The following ERI2 variants were observed in gnomAD, a reference collection of about 807,000 sequenced individuals.
ERI2 encodes the protein ERI1 exoribonuclease family member 2, also known as ERI1 exoribonuclease 2.
Under a neutral mutation model 46.8 loss-of-function variants are expected in ERI2, and 35 were observed. That is an observed-to-expected ratio of 0.75 (90% CI 0.57 to 0.99). The LOEUF (loss-of-function observed/expected upper bound fraction) is 0.99, where lower values mean the gene tolerates loss of function less well. Among genes scored for constraint, ERI2 ranks in the 50% least tolerant of loss-of-function variants. ERI2 has a pLI of 0.00. For missense variants in ERI2, 695 were observed against 796.2 expected (o/e 0.87, Z 1.53); for synonymous variants, 224 against 271.0 (o/e 0.83, Z 1.70).
downstream of ERI2, chr16:20,792,255 GA>G: frequency 2.5e-6 from 4 of 1,614,114 alleles, no homozygotes; most frequent in Non-Finnish European, 3.4e-6. Flanking sequence ...TGGACCATTT[GA>G]GGTAGAAAAT....
chr16:20,789,165 A>G (rs533150736), intron 10 of ERI2, among the ~76,000 whole-genome samples: 1 of 152,300 alleles, frequency 6.6e-6, no homozygotes, highest in South Asian at 2.1e-4. Context: ...TAAACTCTCT[A>G]GAGGCATTGC....
At chr16:20,787,074 C>G (rs1235833195) in intron 10 of ERI2, among the ~76,000 whole-genome samples, 1 of 152,206 alleles carries the variant, frequency 6.6e-6, no homozygotes, top group East Asian at 1.9e-4. Context: ...CATCAGCAAG[C>G]TTTATATAGG....
chr16:20,802,337 AAAAT>A (rs758673089), intron 4 of ERI2, among the ~76,000 whole-genome samples: 3 of 152,032 alleles, frequency 2.0e-5, no homozygotes, highest in East Asian at 1.9e-4. Flanking sequence ...CTTTGTCTGA[AAAAT>A]AAATAAATAA....
At chr16:20,800,106 T>A (rs1408071088) in intron 6 of ERI2, 68 bp from the exon 7 acceptor site, 2 of 1,067,350 alleles carry the variant, frequency 1.9e-6, no homozygotes, top group Non-Finnish European at 2.8e-6. Context: ...TAAACACTTT[T>A]CATAATTTTT....
At position 20,798,099 on chromosome 16, in the gene ERI2, ACTT is replaced by A. The variant is rs1384164133; in HGVS notation, c.1698_1700del (p.Arg566del). ...TAGATGGGAGACGCCTCCAGGAAGA[ACTT>A]CTTACTGGGGAGCAATCAGATGATG... is the stretch of plus-strand genomic sequence containing the variant. On this transcript the variant is annotated inframe_deletion, in exon 9 of 9. Coordinates refer to ENST00000357967, the MANE Select transcript of ERI2 (RefSeq NM_001142725.2). The A allele has an allele frequency of 2.3e-5, 36 of 1,551,430 alleles. No individual in the cohort carries two copies. The highest frequency in any genetic ancestry group is 3.1e-5 in the Non-Finnish European group (36 of 1,146,932).
chr16:20,800,245 A>G, intron 6 of ERI2, 57 bp downstream of exon 6: 1 of 1,240,086 alleles, frequency 8.1e-7, no homozygotes, highest in East Asian at 2.3e-5. Flanking sequence ...GTGTAGGATA[A>G]AAGTTAATCA....
chr16:20,793,210 T>A (rs924929700), downstream of ERI2, among the ~76,000 whole-genome samples: 2 of 152,176 alleles, frequency 1.3e-5, no homozygotes, highest in African/African-American at 4.8e-5. Context: ...GGCTCACACC[T>A]GTAATCCTAG....
At chr16:20,792,133 ACTTT>A, downstream of ERI2, 2 of 1,614,110 alleles carry the variant, frequency 1.2e-6, no homozygotes, top group Non-Finnish European at 1.7e-6. Flanking sequence ...CCTCTGGGTA[ACTTT>A]CTTTTCCATA....
chr16:20,794,429 GC>G (rs572475478), downstream of ERI2, among the ~76,000 whole-genome samples: 41 of 152,278 alleles, frequency 2.7e-4, no homozygotes, highest in Non-Finnish European at 5.0e-4. Flanking sequence ...CGATAGCCAT[GC>G]ATGGCTATCA....
At chr16:20,781,144 C>T in intron 10 of ERI2, 2 of 1,613,110 alleles carry the variant, frequency 1.2e-6, no homozygotes, top group African/African-American at 2.7e-5. Context: ...AGCCAAAGCA[C>T]AAAGAGGTCA....
intron 1 of ERI2, among the ~76,000 whole-genome samples, chr16:20,804,873 G>T (rs1002764741): frequency 1.3e-5 from 2 of 152,196 alleles, no homozygotes; most frequent in South Asian, 2.1e-4. Context: ...TACATAGCAG[G>T]TACTAAAATT....
At chr16:20,789,448 G>C in intron 10 of ERI2, 2 of 1,486,640 alleles carry the variant, frequency 1.3e-6, no homozygotes, top group Non-Finnish European at 1.9e-6. Context: ...ATTGGAGAGA[G>C]GGTAAGAGAG....
At chr16:20,780,790 A>C (rs768389216) in intron 10 of ERI2, 3 of 1,614,260 alleles carry the variant, frequency 1.9e-6, no homozygotes, top group Non-Finnish European at 2.5e-6. Flanking sequence ...CAGTGGAACA[A>C]GTGGATATCC....
chr16:20,790,879 G>A lies in ERI2; in HGVS notation c.786C>T (p.Asp262=). 1 of 1,613,984 alleles carries A rather than the reference G, an allele frequency of 6.2e-7. No individual in the cohort carries two copies. Among genetic ancestry groups the A allele is most frequent in the Non-Finnish European group, 8.5e-7 (1 of 1,179,966 alleles). The stretch of plus-strand genomic sequence containing the variant: ...ATTCTTGCTGAAGAAAAGCATGCTG[G>A]TCCCCTGAGGCCAGATCACTGTTCC... The change falls in exon 9 of 11, where the codon GAC becomes GAT. Residue 262 remains aspartate (D), a synonymous_variant. Transcript: ENST00000300005. The surrounding 1 kb of genome is among the most constrained non-coding windows in gnomAD (Gnocchi z 4.0).
intron 10 of ERI2, among the ~76,000 whole-genome samples, chr16:20,788,303 C>T (rs1391491777): frequency 6.6e-6 from 1 of 152,074 alleles, no homozygotes; most frequent in African/African-American, 2.4e-5. Context: ...CTTTTTCTTC[C>T]TTCCTTAATA....
chr16:20,790,688 A>G lies in ERI2; in HGVS notation c.815+162T>C. 1 of 1,614,062 alleles carries G rather than the reference A, an allele frequency of 6.2e-7. No homozygotes were observed. Among genetic ancestry groups the G allele is most frequent in the Non-Finnish European group, 8.5e-7 (1 of 1,179,974 alleles). ...CATTTGGCCTTTTTACTCATTACGT[A>G]GTAAGTGACTTACTAAATAATCTCA... On this transcript the variant is annotated intron_variant, in intron 9 of 10. Coordinates refer to the ERI2 transcript ENST00000300005. This position sits in a 1 kb window ranked among gnomAD's most constrained non-coding sequence, Gnocchi z 4.0.
chr16:20,804,266 C>A (rs766486000), intron 1 of ERI2, among the ~76,000 whole-genome samples: 11 of 152,048 alleles, frequency 7.2e-5, no homozygotes, highest in Non-Finnish European at 1.5e-4. Context: ...TCTTATTTTT[C>A]CCCCTGCATT....
chr16:20,792,839 G>C (rs567147221), downstream of ERI2: 83 of 482,366 alleles, frequency 1.7e-4, no homozygotes, highest in Middle Eastern at 2.1e-3. Flanking sequence ...AATAACACAG[G>C]TGTCCTGAAA....
rs1420474938 is a variant in ERI2, at chr16:20,798,963, A to G, written c.837T>C (p.Tyr279=). 2 of 1,550,150 alleles carry G rather than the reference A, an allele frequency of 1.3e-6. No individual in the cohort carries two copies. Among genetic ancestry groups the G allele is most frequent in the East Asian group, 2.4e-5 (1 of 40,904 alleles). Residue 279 remains tyrosine, a synonymous_variant, in exon 9 of 9, where the codon TAT becomes TAC. Coordinates refer to ENST00000357967, the MANE Select transcript of ERI2 (RefSeq NM_001142725.2). ...TTATTATATTTTTAGGCTCCTTATT[A>G]TATATGCTGGGACCCTGGATGCTAA... is the stretch of plus-strand genomic sequence containing the variant. ...CNISIQGPSI[Y]NKEPKNIINP... is the part of the protein sequence containing the mutation.
Sources: allele counts gnomAD v4.1 joint callset (sites outside exome capture counted in the v4.1 genomes callset), GRCh38; gene constraint gnomAD v4.1.1; non-coding constraint Gnocchi (gnomAD v3.1); transcripts MANE v1.5; gene names NCBI Gene and HGNC (gene_info 2026-07-23, HGNC 2026-07-21).